The following JARID2 variants were observed in gnomAD, a reference collection of about 807,000 sequenced individuals.
JARID2 encodes protein Jumonji.
JARID2 carries 21 observed loss-of-function variants against 125.6 expected under a neutral mutation model. The observed-to-expected ratio is 0.17, with a 90% CI of 0.12 to 0.24. JARID2 has a LOEUF of 0.24. Ranked by LOEUF, JARID2 falls within the 10% of genes least tolerant of loss-of-function variation. JARID2 has a pLI of 1.00. For synonymous variants in JARID2, 736 were observed against 661.6 expected, an observed-to-expected ratio of 1.11 and a Z score of -1.73; for missense variants, 1,303 against 1,639.6, an observed-to-expected ratio of 0.79 and a Z score of 3.55.
chr6:15,439,028 T>A (rs1767335626), intron 3 of JARID2, among the ~76,000 whole-genome samples: 1 of 135,208 alleles, frequency 7.4e-6, no homozygotes. Flanking sequence ...CAAGACTCTG[T>A]CTCAAAAAAA....
chr6:15,296,927 C>T (rs1232524749), intron 1 of JARID2, among the ~76,000 whole-genome samples: 1 of 152,216 alleles, frequency 6.6e-6, no homozygotes, highest in Non-Finnish European at 1.5e-5. Flanking sequence ...AGGGCTGGCC[C>T]TGTGGCCTTA....
chr6:15,467,231 G>A (rs1768783171), intron 4 of JARID2, among the ~76,000 whole-genome samples: 1 of 152,120 alleles, frequency 6.6e-6, no homozygotes, highest in Admixed American at 6.6e-5. Flanking sequence ...ATATAGTTCC[G>A]AAGCTGGACA....
At chr6:15,514,862 C>T (rs766935355) in intron 16 of JARID2, among the ~76,000 whole-genome samples, 15 of 152,186 alleles carry the variant, frequency 9.9e-5, no homozygotes, top group Admixed American at 2.0e-4. Context: ...AGTCCGTGAC[C>T]GCCCTGCCTC....
At chr6:15,445,235 A>G (rs913483644) in intron 3 of JARID2, among the ~76,000 whole-genome samples, 1 of 152,164 alleles carries the variant, frequency 6.6e-6, no homozygotes, top group Non-Finnish European at 1.5e-5. Context: ...AGGAAGGGGC[A>G]CAGGGAGGGT....
intron 1 of JARID2, among the ~76,000 whole-genome samples, chr6:15,373,801 A>G (rs1178907741): frequency 1.3e-5 from 2 of 152,196 alleles, no homozygotes; most frequent in Non-Finnish European, 2.9e-5. Flanking sequence ...GTATAACAAC[A>G]CCTTTTTCTG....
chr6:15,423,579 G>T (rs1160205767), intron 3 of JARID2, among the ~76,000 whole-genome samples: 1 of 152,180 alleles, frequency 6.6e-6, no homozygotes, highest in Non-Finnish European at 1.5e-5. Flanking sequence ...GTAGATTTGT[G>T]TGGCTTACGT....
At chr6:15,268,082 G>A (rs990558583) in intron 1 of JARID2, among the ~76,000 whole-genome samples, 1 of 152,160 alleles carries the variant, frequency 6.6e-6, no homozygotes, top group African/African-American at 2.4e-5. Context: ...AATTGTGATA[G>A]TGTGGTGACT....
At chr6:15,369,289 T>G in intron 1 of JARID2, 1 of 459,584 alleles carries the variant, frequency 2.2e-6, no homozygotes, top group Non-Finnish European at 4.5e-6. Context: ...GCACAGTGTT[T>G]TTTACTAATT....
chr6:15,436,040 T>C (rs1767187112), intron 3 of JARID2, among the ~76,000 whole-genome samples: 1 of 152,110 alleles, frequency 6.6e-6, no homozygotes, highest in Non-Finnish European at 1.5e-5. Flanking sequence ...GGGCAGGTTG[T>C]AGGGCTGCAA....
intron 1 of JARID2, among the ~76,000 whole-genome samples, chr6:15,301,714 T>A (rs554230986): frequency 6.6e-6 from 1 of 152,336 alleles, no homozygotes; most frequent in East Asian, 1.9e-4. Context: ...TCTTGTATAT[T>A]TGAAACGTGA....
chr6:15,443,285 G>A (rs959306871), intron 3 of JARID2, among the ~76,000 whole-genome samples: 1 of 152,134 alleles, frequency 6.6e-6, no homozygotes, highest in African/African-American at 2.4e-5. Flanking sequence ...TTATGTCAGC[G>A]TTCCTAAGGG....
chr6:15,299,538 T>TA (rs1188216711), intron 1 of JARID2, among the ~76,000 whole-genome samples: 7 of 152,138 alleles, frequency 4.6e-5, no homozygotes, highest in Admixed American at 2.0e-4. Flanking sequence ...TTGGAGAAGG[T>TA]AGAGTTGGAT....
At chr6:15,352,182 CAT>C (rs1467303671) in intron 1 of JARID2, among the ~76,000 whole-genome samples, 2 of 152,112 alleles carry the variant, frequency 1.3e-5, no homozygotes, top group East Asian at 3.9e-4. Flanking sequence ...AATTTATTGA[CAT>C]ATTATTCATT....
At chr6:15,499,754 T>C (rs2237115) in intron 7 of JARID2, among the ~76,000 whole-genome samples, 118,732 of 151,912 alleles carry the variant, frequency 0.78, 46,420 homozygotes, top group Admixed American at 0.82. Context: ...TTACCCCAAC[T>C]CCCCTGTTCT....
At chr6:15,512,099 A>G (rs1771307530) in intron 13 of JARID2, 109 bp from the exon 14 acceptor site, 2 of 878,154 alleles carry the variant, frequency 2.3e-6, no homozygotes, top group South Asian at 1.8e-5. Context: ...ACATAAAACA[A>G]TCTTATCTCC....
chr6:15,519,296 TAC>T (rs1342152752), intron 17 of JARID2, among the ~76,000 whole-genome samples: 1 of 152,194 alleles, frequency 6.6e-6, no homozygotes, highest in Non-Finnish European at 1.5e-5. Flanking sequence ...ATGGTGTTAT[TAC>T]AGATACGTGT....
chr6:15,494,484 C>CT (rs1164824239), intron 6 of JARID2, among the ~76,000 whole-genome samples: 1 of 137,220 alleles, frequency 7.3e-6, no homozygotes, highest in Non-Finnish European at 1.5e-5. Flanking sequence ...TCTCGGTTCA[C>CT]TGCAAACTCC....
At position 15,470,594 on chromosome 6, in the gene JARID2, G is replaced by A. The variant is rs138669810; in HGVS notation, c.670+1876G>A. Among the ~76,000 whole-genome samples, 4 of 152,344 alleles carry A rather than the reference G, an allele frequency of 2.6e-5. No individual in the cohort carries two copies. In the East Asian group the frequency reaches 7.7e-4, roughly 29 times the overall value. On this transcript the variant is annotated intron_variant, in intron 5 of 17. Transcript: ENST00000341776. ...TTGATTGTGTTTAGGTGACACATCT[G>A]CATAGTAGAGGGTGCAATCTCTTTT... is the stretch of plus-strand genomic sequence containing the variant.
chr6:15,362,228 T>C (rs1763823938), intron 1 of JARID2, among the ~76,000 whole-genome samples: 1 of 152,112 alleles, frequency 6.6e-6, no homozygotes, highest in Admixed American at 6.5e-5. Context: ...TATATCAGTT[T>C]AAGTGTTATT....
Sources: gnomAD v4.1 joint callset for allele counts (sites outside exome capture counted in the v4.1 genomes callset) on GRCh38, gnomAD v4.1.1 for gene constraint, MANE v1.5 for transcripts, NCBI Gene and HGNC (gene_info 2026-07-23, HGNC 2026-07-21) for gene names.